The following CNTN4 variants were observed in gnomAD, a reference collection of about 807,000 sequenced individuals.
CNTN4 encodes the protein contactin 4.
A neutral mutation model predicts 122.5 loss-of-function variants in CNTN4; 77 were observed. That is an observed-to-expected ratio of 0.63 (90% CI 0.52 to 0.76). The LOEUF is 0.76. Among genes scored for constraint, CNTN4 ranks in the 30% least tolerant of loss-of-function variants. The pLI, the probability that CNTN4 is intolerant of heterozygous loss-of-function variation, is 0.00. For synonymous variants in CNTN4, 512 were observed against 447.0 expected, an observed-to-expected ratio of 1.15 and a Z score of -1.83; for missense variants, 1,256 against 1,259.1, an observed-to-expected ratio of 1.00 and a Z score of 0.04.
At chr3:2,675,746 A>G (rs2084808768) in intron 4 of CNTN4, among the ~76,000 whole-genome samples, 1 of 152,214 alleles carries the variant, frequency 6.6e-6, no homozygotes, top group Non-Finnish European at 1.5e-5. Context: ...TCTTGAGAGC[A>G]GCACCAGCAA....
chr3:2,470,250 G>C (rs2075638592), intron 3 of CNTN4, among the ~76,000 whole-genome samples: 1 of 151,974 alleles, frequency 6.6e-6, no homozygotes, highest in South Asian at 2.1e-4. Context: ...CTAATTTTTT[G>C]TATTTTTAGT....
At chr3:2,805,224 T>C (rs1291094042) in intron 6 of CNTN4, among the ~76,000 whole-genome samples, 1 of 151,280 alleles carries the variant, frequency 6.6e-6, no homozygotes, top group Non-Finnish European at 1.5e-5. Context: ...TCCTGATCAC[T>C]GTTGCTTCAT....
chr3:2,629,491 A>C, intron 4 of CNTN4: 1 of 412,888 alleles, frequency 2.4e-6, no homozygotes, highest in Non-Finnish European at 4.8e-6. Flanking sequence ...TCTATTTTCT[A>C]GTGAAGAATT....
intron 6 of CNTN4, among the ~76,000 whole-genome samples, chr3:2,756,968 A>G (rs1015099283): frequency 6.6e-6 from 1 of 152,190 alleles, no homozygotes; most frequent in Non-Finnish European, 1.5e-5. Context: ...AGGCCAACAT[A>G]TGCACAATTC....
intron 2 of CNTN4, among the ~76,000 whole-genome samples, chr3:2,217,449 T>G (rs1282892447): frequency 6.6e-6 from 1 of 152,216 alleles, no homozygotes; most frequent in Non-Finnish European, 1.5e-5. Context: ...TTTCATGCTG[T>G]TTGAAACAAT....
At chr3:2,373,280 A>G (rs1338636283) in intron 3 of CNTN4, among the ~76,000 whole-genome samples, 2 of 152,202 alleles carry the variant, frequency 1.3e-5, no homozygotes, top group East Asian at 1.9e-4. Context: ...CTCCTTGGGC[A>G]GGAGGAGGTA....
chr3:2,797,188 C>G (rs1914014), intron 6 of CNTN4, among the ~76,000 whole-genome samples: 1 of 152,090 alleles, frequency 6.6e-6, no homozygotes, highest in Non-Finnish European at 1.5e-5. Flanking sequence ...TTTTGTCAAG[C>G]TGGGGTCTCA....
At chr3:2,245,864 T>C (rs2040125014) in intron 2 of CNTN4, among the ~76,000 whole-genome samples, 1 of 152,162 alleles carries the variant, frequency 6.6e-6, no homozygotes, top group Middle Eastern at 3.4e-3. Flanking sequence ...TTTTCATGAA[T>C]TCGTACTTAA....
intron 12 of CNTN4, among the ~76,000 whole-genome samples, chr3:2,918,173 G>A (rs1056454488): frequency 1.2e-4 from 19 of 152,168 alleles, no homozygotes; most frequent in African/African-American, 2.2e-4. Flanking sequence ...CTGCCGCATT[G>A]CATAAACATA....
chr3:2,826,663 A>G (rs1215316212), intron 7 of CNTN4, among the ~76,000 whole-genome samples: 1 of 152,160 alleles, frequency 6.6e-6, no homozygotes, highest in African/African-American at 2.4e-5. Flanking sequence ...TTCGTTATTA[A>G]GATATCACCT....
intron 3 of CNTN4, among the ~76,000 whole-genome samples, chr3:2,519,739 A>T (rs1029384706): frequency 5.3e-5 from 8 of 152,212 alleles, no homozygotes; most frequent in African/African-American, 9.6e-5. Context: ...TATCTCAAAA[A>T]TTTTAAATAT....
At chr3:2,610,305 T>G (rs1279989740) in intron 4 of CNTN4, among the ~76,000 whole-genome samples, 2 of 152,230 alleles carry the variant, frequency 1.3e-5, no homozygotes, top group African/African-American at 4.8e-5. Context: ...AGCTTGGTTC[T>G]TATTTGTATA....
chr3:2,167,508 C>T (rs1197258677), intron 2 of CNTN4, among the ~76,000 whole-genome samples: 1 of 152,102 alleles, frequency 6.6e-6, no homozygotes, highest in Non-Finnish European at 1.5e-5. Context: ...GAATTGGAAA[C>T]ATAAACATTC....
At chr3:2,348,230 A>T (rs2044477923) in intron 3 of CNTN4, among the ~76,000 whole-genome samples, 1 of 148,566 alleles carries the variant, frequency 6.7e-6, no homozygotes, top group African/African-American at 2.4e-5. Context: ...AAATTAGATC[A>T]TATACTTAAC....
intron 7 of CNTN4, among the ~76,000 whole-genome samples, chr3:2,830,415 G>T (rs929260219): frequency 6.6e-6 from 1 of 152,222 alleles, no homozygotes; most frequent in Non-Finnish European, 1.5e-5. Context: ...AATGAGAATG[G>T]ATCCATAAGG....
chr3:2,272,718 A>G (rs776522743), intron 2 of CNTN4, among the ~76,000 whole-genome samples: 6 of 152,068 alleles, frequency 3.9e-5, no homozygotes, highest in Admixed American at 2.0e-4. Context: ...TATTCACTGT[A>G]TGATTATCGT....
At chr3:2,340,708 T>TAGAGAGAGAGAGAGAGAGAGAGAGGGGG (rs1414538595) in intron 3 of CNTN4, among the ~76,000 whole-genome samples, 388 of 25,264 alleles carry the variant, frequency 0.015, 4 homozygotes, top group Middle Eastern at 0.031. Flanking sequence ...TATATATATA[T>TAGAGAGAGAGAGAGAGAGAGAGAGGGGG]ATAGAGAGAG....
chr3:3,007,150 G>C (rs1363446477), intron 14 of CNTN4, among the ~76,000 whole-genome samples: 4 of 152,186 alleles, frequency 2.6e-5, no homozygotes, highest in Non-Finnish European at 5.9e-5. Flanking sequence ...GTTTACTATT[G>C]TGCATGTATT....
chr3:2,773,665 G>A (rs1004982470), intron 6 of CNTN4, among the ~76,000 whole-genome samples: 10 of 151,388 alleles, frequency 6.6e-5, no homozygotes, highest in African/African-American at 1.2e-4. Context: ...TGGCAACTAT[G>A]TCACCTTTTC....
Sources: gnomAD v4.1 joint callset for allele counts (sites outside exome capture counted in the v4.1 genomes callset) on GRCh38, gnomAD v4.1.1 for gene constraint, MANE v1.5 for transcripts, NCBI Gene and HGNC (gene_info 2026-07-23, HGNC 2026-07-21) for gene names.